KIF13A: variants seen among roughly 807,000 people sequenced by gnomAD.
KIF13A encodes kinesin family member 13A, also known as kinesin-like protein KIF13A.
A neutral mutation model predicts 212.2 loss-of-function variants in KIF13A; 79 were observed. That is an observed-to-expected ratio of 0.37 (90% CI 0.31 to 0.45). The LOEUF (loss-of-function observed/expected upper bound fraction) is 0.45, where lower values mean the gene tolerates loss of function less well. Ranked by LOEUF, KIF13A falls within the 20% of genes least tolerant of loss-of-function variation. The probability of loss-of-function intolerance (pLI) is 1.00; values close to 1 mark genes in which losing one functional copy is unlikely to be tolerated. For missense variants in KIF13A, 1,901 were observed against 2,209.0 expected (o/e 0.86, Z 2.79); for synonymous variants, 789 against 808.6 (o/e 0.98, Z 0.41).
intron 25 of KIF13A, among the ~76,000 whole-genome samples, chr6:17,793,775 G>A (rs563113867): frequency 2.6e-5 from 4 of 152,050 alleles, no homozygotes; most frequent in Non-Finnish European, 4.4e-5. Flanking sequence ...TCAGCTGGGC[G>A]TGGTGATGTG....
chr6:17,878,030 T>C (rs567121427), intron 3 of KIF13A, among the ~76,000 whole-genome samples: 3 of 152,348 alleles, frequency 2.0e-5, no homozygotes, highest in Admixed American at 2.0e-4. Flanking sequence ...GTGGAGCTCA[T>C]GAGTATCCTA....
chr6:17,906,713 G>C (rs1365767538), intron 2 of KIF13A, among the ~76,000 whole-genome samples: 1 of 152,072 alleles, frequency 6.6e-6, no homozygotes, highest in South Asian at 2.1e-4. Context: ...GCCTCTCAAA[G>C]TGAGGCTGAG....
At chr6:17,861,106 T>G (rs574184986) in intron 4 of KIF13A, among the ~76,000 whole-genome samples, 9 of 152,226 alleles carry the variant, frequency 5.9e-5, no homozygotes, top group East Asian at 5.8e-4. Context: ...GAATTCAAAT[T>G]TATCATATTT....
intron 20 of KIF13A, among the ~76,000 whole-genome samples, chr6:17,803,044 C>T (rs1476187055): frequency 1.3e-5 from 2 of 151,712 alleles, no homozygotes; most frequent in African/African-American, 4.8e-5. Flanking sequence ...AGCGATTCTC[C>T]TGCCTCAGCC....
chr6:17,807,552 C>T (rs1481097888), intron 18 of KIF13A, among the ~76,000 whole-genome samples: 1 of 145,958 alleles, frequency 6.9e-6, no homozygotes, highest in East Asian at 1.9e-4. Context: ...TTTATCAAGA[C>T]AATATGTGCA....
In KIF13A at chr6:17,898,497, A is replaced by G. The variant is rs1030783985; in HGVS notation, c.147-317T>C. Among the ~76,000 whole-genome samples the G allele has an allele frequency of 6.6e-5, 10 of 152,222 alleles. No homozygotes were observed. Among genetic ancestry groups the G allele is most frequent in the Non-Finnish European group, 1.5e-4 (10 of 68,040 alleles). On this transcript the variant is annotated intron_variant, in intron 2 of 38. Coordinates refer to ENST00000259711, the MANE Select transcript of KIF13A (RefSeq NM_022113.6). This position sits in a 1 kb window ranked among gnomAD's most constrained non-coding sequence, Gnocchi z 5.2. ...GAAATGCCAAAGGAAGAGCATCAAG[A>G]TAAAGAAAGATGCCACAATCCTTAC...
chr6:17,764,359 T>C lies in KIF13A; in HGVS notation c.5169A>G (p.Val1723=). 1.2e-6 allele frequency: 2 copies of C among 1,614,002 alleles called. No homozygotes were observed. Among genetic ancestry groups the C allele is most frequent in the Middle Eastern group, 3.3e-4 (2 of 6,062 alleles). The change falls in exon 39 of 39, where the codon GTA becomes GTG. Residue 1723 remains valine, a synonymous_variant. Coordinates refer to ENST00000259711, the MANE Select transcript of KIF13A (RefSeq NM_022113.6). This position sits in a 1 kb window ranked among gnomAD's most constrained non-coding sequence, Gnocchi z 5.1. ...ARGFCPREVT[V]EHTTNILEDH... ...CTTCAAGGATGTTGGTGGTGTGTTCTACCGTCACCTCCCTGGGGCAGAATC... is the reference window on the plus strand; with the variant it reads ...CTTCAAGGATGTTGGTGGTGTGTTCCACCGTCACCTCCCTGGGGCAGAATC...
intron 2 of KIF13A, among the ~76,000 whole-genome samples, chr6:17,935,757 C>T (rs1316982463): frequency 6.6e-6 from 1 of 152,150 alleles, no homozygotes; most frequent in African/African-American, 2.4e-5. Context: ...TAACAAAAAG[C>T]TAGTTACTTT....
At chr6:17,910,794 GCT>G (rs1260844970) in intron 2 of KIF13A, among the ~76,000 whole-genome samples, 1 of 152,090 alleles carries the variant, frequency 6.6e-6, no homozygotes, top group Non-Finnish European at 1.5e-5. Context: ...ACGGAGTCTC[GCT>G]CTGTTGCCCA....
chr6:17,884,657 CT>C (rs1189812510), intron 3 of KIF13A, among the ~76,000 whole-genome samples: 1 of 152,232 alleles, frequency 6.6e-6, no homozygotes, highest in Non-Finnish European at 1.5e-5. Context: ...ATCAAAAGGG[CT>C]TCCCTTGGGG....
rs530535465 is a variant in KIF13A, at chr6:17,864,353, A to C, written c.221-8231T>G. ...GATTAGACCTTCTATAATCATGTGA[A>C]CAAGTCTTAAAACACAGGCATGCCC... On this transcript the variant is annotated intron_variant, in intron 4 of 38. Transcript: ENST00000259711. 3.5e-4 allele frequency among the ~76,000 whole-genome samples: 53 copies of C among 152,340 alleles called. 2 individuals are homozygous for C. The South Asian group carries it at 0.01, about 30-fold the overall frequency.
At chr6:17,774,335 T>C (rs1759749634) in intron 35 of KIF13A, among the ~76,000 whole-genome samples, 1 of 152,154 alleles carries the variant, frequency 6.6e-6, no homozygotes. Context: ...CCCATTGAAA[T>C]AATTTTGATT....
rs1760503497 is a variant in KIF13A at position 17,780,895 on chromosome 6, T to C, written c.3681A>G (p.Thr1227=). 1 of 1,613,166 alleles carries C rather than the reference T, an allele frequency of 6.2e-7. No homozygotes were observed. Among genetic ancestry groups the C allele is most frequent in the Admixed American group, 1.7e-5 (1 of 59,932 alleles). ...CATGCACCGAGGAATCCCAAGAGGC[T>C]GTGGCTGAAACCTAGGAGTTGGGGA... The part of the protein sequence containing the change: ...IKHSDDEVSA[T]ASWDSSVHDS... The change falls in exon 31 of 39, where the codon ACA becomes ACG. Residue 1227 remains threonine, a synonymous_variant. Transcript: ENST00000259711.
intron 2 of KIF13A, among the ~76,000 whole-genome samples, chr6:17,986,413 C>T (rs1019950108): frequency 2.6e-5 from 4 of 152,146 alleles, no homozygotes; most frequent in African/African-American, 7.2e-5. Flanking sequence ...GTAAATACAG[C>T]CCCTTTTTAA....
intron 2 of KIF13A, among the ~76,000 whole-genome samples, chr6:17,956,801 G>A (rs1778392035): frequency 6.6e-6 from 1 of 152,154 alleles, no homozygotes; most frequent in African/African-American, 2.4e-5. Context: ...TGCATAGAGA[G>A]GCCAAGAAGG....
intron 32 of KIF13A, among the ~76,000 whole-genome samples, 158 bp from the exon 33 acceptor site, chr6:17,779,257 A>ATATTT (rs1561961153): frequency 5.3e-5 from 2 of 37,852 alleles, no homozygotes; most frequent in Non-Finnish European, 9.4e-5. Context: ...ATATATATAT[A>ATATTT]TTTTTTTTTT....
downstream of KIF13A, among the ~76,000 whole-genome samples, chr6:17,761,851 A>T (rs111286312): frequency 3.2e-4 from 48 of 152,230 alleles, no homozygotes; most frequent in Non-Finnish European, 5.9e-4. Flanking sequence ...TGAAAAAAGA[A>T]GGGGGTTGTT....
intron 3 of KIF13A, among the ~76,000 whole-genome samples, chr6:17,873,838 C>T (rs1454502459): frequency 2.0e-5 from 3 of 152,206 alleles, no homozygotes; most frequent in Non-Finnish European, 2.9e-5. Context: ...AATCCTCTCT[C>T]TTCTGCCTCC....
At chr6:17,972,959 A>G (rs1779948016) in intron 2 of KIF13A, among the ~76,000 whole-genome samples, 1 of 152,138 alleles carries the variant, frequency 6.6e-6, no homozygotes, top group Non-Finnish European at 1.5e-5. Flanking sequence ...GACCCTGAAG[A>G]GCCCCATGGA....
Sources: allele counts gnomAD v4.1 joint callset (sites outside exome capture counted in the v4.1 genomes callset), GRCh38; gene constraint gnomAD v4.1.1; non-coding constraint Gnocchi (gnomAD v3.1); transcripts MANE v1.5; gene names NCBI Gene and HGNC (gene_info 2026-07-23, HGNC 2026-07-21).